WWOX: variants seen among roughly 807,000 people sequenced by gnomAD.
The protein encoded by WWOX is WW domain containing oxidoreductase.
In WWOX, 69 loss-of-function variants were observed where a neutral mutation model predicts 46.2. That is an observed-to-expected ratio of 1.49 (90% CI 1.23 to 1.82). The LOEUF is 1.82. Ranked by LOEUF, WWOX falls within the 40% of genes most tolerant of loss-of-function variation. The probability of loss-of-function intolerance (pLI) is 0.00; values close to 1 mark genes in which losing one functional copy is unlikely to be tolerated. For missense variants in WWOX, 919 were observed against 542.6 expected, an observed-to-expected ratio of 1.69 and a Z score of -6.89; for synonymous variants, 359 against 202.6, an observed-to-expected ratio of 1.77 and a Z score of -6.56.
intron 8 of WWOX, among the ~76,000 whole-genome samples, chr16:78,546,604 G>C (rs141048593): frequency 2.0e-3 from 301 of 152,242 alleles, no homozygotes; most frequent in African/African-American, 7.1e-3. Context: ...ACTCAGCTAG[G>C]AACTTATTTT....
At chr16:78,275,378 G>A (rs1410751723) in intron 5 of WWOX, among the ~76,000 whole-genome samples, 1 of 152,222 alleles carries the variant, frequency 6.6e-6, no homozygotes, top group African/African-American at 2.4e-5. Flanking sequence ...TGCCCACCGG[G>A]TCAGCTCACA....
intron 6 of WWOX, among the ~76,000 whole-genome samples, chr16:78,400,236 G>C (rs775792312): frequency 3.9e-5 from 6 of 152,148 alleles, no homozygotes; most frequent in Non-Finnish European, 7.3e-5. Flanking sequence ...AGGAGGAAAA[G>C]GTCTCTGTTT....
chr16:78,460,615 T>C (rs1279848662), intron 8 of WWOX, among the ~76,000 whole-genome samples: 10 of 152,130 alleles, frequency 6.6e-5, no homozygotes, highest in Admixed American at 5.9e-4. Flanking sequence ...ACTTGGAGCT[T>C]GAAAGAGGGA....
At chr16:79,196,209 C>T (rs1597465296) in intron 8 of WWOX, 1 of 152,252 alleles carries the variant, frequency 6.6e-6, no homozygotes, top group South Asian at 2.1e-4. Context: ...GTGAGAGACT[C>T]GGAAATTACA....
intron 8 of WWOX, among the ~76,000 whole-genome samples, chr16:79,102,769 A>G (rs892131213): frequency 4.6e-5 from 7 of 152,206 alleles, no homozygotes; most frequent in African/African-American, 1.7e-4. Context: ...TATTTGTTTC[A>G]TTAAACACCT....
intron 8 of WWOX, among the ~76,000 whole-genome samples, chr16:79,034,844 T>C (rs1333221669): frequency 6.6e-6 from 1 of 152,186 alleles, no homozygotes. Context: ...AGTAGTGTAT[T>C]AGGCTAAGTA....
chr16:78,667,357 A>G (rs779875392), intron 8 of WWOX, among the ~76,000 whole-genome samples: 1 of 152,128 alleles, frequency 6.6e-6, no homozygotes, highest in Non-Finnish European at 1.5e-5. Context: ...ACTTTTTTGC[A>G]TCCTACTTTT....
intron 8 of WWOX, among the ~76,000 whole-genome samples, chr16:78,578,284 A>ATATATATATTTATTTT (rs1555567122): frequency 4.8e-5 from 1 of 20,840 alleles, no homozygotes; most frequent in Non-Finnish European, 8.1e-5. Context: ...ATATATATAT[A>ATATATATATTTATTTT]TTTTTTTTTT....
At chr16:78,988,423 G>T (rs979630533) in intron 8 of WWOX, among the ~76,000 whole-genome samples, 1 of 151,920 alleles carries the variant, frequency 6.6e-6, no homozygotes, top group Non-Finnish European at 1.5e-5. Flanking sequence ...CACCATCCTT[G>T]GCCAAGGAGA....
intron 5 of WWOX, among the ~76,000 whole-genome samples, chr16:78,327,584 C>G (rs545998627): frequency 6.6e-6 from 1 of 152,186 alleles, no homozygotes; most frequent in East Asian, 1.9e-4. Context: ...ATTCCCTTCA[C>G]TCCAACTCCC....
At chr16:78,321,657 A>G (rs558172475) in intron 5 of WWOX, among the ~76,000 whole-genome samples, 2 of 152,240 alleles carry the variant, frequency 1.3e-5, no homozygotes, top group African/African-American at 2.4e-5. Flanking sequence ...CTTGAGTGGT[A>G]CACCAGAGTG....
At chr16:78,503,835 A>G (rs565670035) in intron 8 of WWOX, 1 of 152,334 alleles carries the variant, frequency 6.6e-6, no homozygotes, top group South Asian at 2.1e-4. Flanking sequence ...TTTCCTCTCT[A>G]GCAAACAGTA....
intron 4 of WWOX, among the ~76,000 whole-genome samples, chr16:78,158,621 G>A (rs1325006550): frequency 2.0e-5 from 3 of 151,880 alleles, no homozygotes; most frequent in Non-Finnish European, 4.4e-5. Flanking sequence ...TTTTTTACCT[G>A]TATTGTAAAT....
intron 8 of WWOX, among the ~76,000 whole-genome samples, chr16:78,726,816 A>G (rs529746139): frequency 8.6e-5 from 13 of 152,022 alleles, no homozygotes; most frequent in Admixed American, 3.3e-4. Flanking sequence ...GAATAGTTCT[A>G]TGGAAATAGG....
At chr16:79,168,676 C>T (rs1435900965) in intron 8 of WWOX, among the ~76,000 whole-genome samples, 1 of 152,118 alleles carries the variant, frequency 6.6e-6, no homozygotes, top group Non-Finnish European at 1.5e-5. Context: ...CCTCTAGGCT[C>T]TTACCTGGCT....
intron 8 of WWOX, among the ~76,000 whole-genome samples, chr16:79,008,578 C>A (rs931645284): frequency 1.3e-5 from 2 of 152,164 alleles, no homozygotes; most frequent in Non-Finnish European, 2.9e-5. Context: ...CCCCATTTCA[C>A]AGATGTTGAA....
intron 5 of WWOX, among the ~76,000 whole-genome samples, chr16:78,177,426 C>T (rs1422080920): frequency 6.6e-6 from 1 of 152,240 alleles, no homozygotes; most frequent in Non-Finnish European, 1.5e-5. Context: ...GAGTGATACT[C>T]CCATGACTCA....
At chr16:78,712,748 A>C (rs1411820465) in intron 8 of WWOX, among the ~76,000 whole-genome samples, 1 of 152,202 alleles carries the variant, frequency 6.6e-6, no homozygotes, top group Non-Finnish European at 1.5e-5. Context: ...AAAATCTACA[A>C]GTGAAATGAT....
intron 8 of WWOX, among the ~76,000 whole-genome samples, chr16:79,209,230 C>G (rs1350099800): frequency 1.3e-5 from 2 of 152,154 alleles, no homozygotes; most frequent in Admixed American, 6.5e-5. Context: ...CCTTTAGATT[C>G]CGTGGAAGGA....
Sources: allele counts gnomAD v4.1 joint callset (sites outside exome capture counted in the v4.1 genomes callset), GRCh38; gene constraint gnomAD v4.1.1; transcripts MANE v1.5; gene names NCBI Gene and HGNC (gene_info 2026-07-23, HGNC 2026-07-21).